Variants in DNAH5 observed in about 807,000 individuals in gnomAD.
The protein encoded by DNAH5 is axonemal beta dynein heavy chain 5.
A neutral mutation model predicts 518.2 loss-of-function variants in DNAH5; 372 were observed. That is an observed-to-expected ratio of 0.72 (90% confidence interval 0.66 to 0.78). The LOEUF is 0.78. Among genes scored for constraint, DNAH5 ranks in the 30% least tolerant of loss-of-function variants. DNAH5 has a pLI of 0.00. For missense variants in DNAH5, 5,523 were observed against 5,687.0 expected, an observed-to-expected ratio of 0.97 and a Z score of 0.93; for synonymous variants, 2,039 against 2,025.9, an observed-to-expected ratio of 1.01 and a Z score of -0.17.
At chr5:13,939,220 A>T (rs116327016) in intron 1 of DNAH5, among the ~76,000 whole-genome samples, 2,260 of 152,322 alleles carry the variant, frequency 0.015, 60 homozygotes, top group African/African-American at 0.051. Flanking sequence ...AAATAATTTT[A>T]AAATTATTTT....
chr5:13,795,741 C>T (rs1757723262), intron 47 of DNAH5, among the ~76,000 whole-genome samples: 1 of 61,078 alleles, frequency 1.6e-5, no homozygotes, highest in Non-Finnish European at 3.8e-5. Context: ...GGCAGAGTCA[C>T]AACAAAAAAA....
chr5:13,755,441 T>C (rs577007366), intron 61 of DNAH5, among the ~76,000 whole-genome samples: 37 of 152,296 alleles, frequency 2.4e-4, no homozygotes, highest in African/African-American at 8.2e-4. Context: ...TTCTAAATTA[T>C]CAGTTATGTT....
In DNAH5 at chr5:13,859,170, A is replaced by T. The variant is rs924633; in HGVS notation, c.4950+282T>A. Reference sequence around the variant, plus strand: ...CCAAATTCTACCTTGAAATTATCTAAAGAAGCATATCAATTATGCGACCAC... The same window carrying T: ...CCAAATTCTACCTTGAAATTATCTATAGAAGCATATCAATTATGCGACCAC... On this transcript the variant is annotated intron_variant, in intron 30 of 78. Transcript: ENST00000265104. 0.061 allele frequency among the ~76,000 whole-genome samples: 9,347 copies of T among 152,218 alleles called. 304 individuals carry two copies. The highest frequency in any genetic ancestry group is 0.078 in the African/African-American group (3,250 of 41,520).
chr5:13,735,715 A>G (rs1184990096), intron 67 of DNAH5, 103 bp downstream of exon 67: 4 of 970,064 alleles, frequency 4.1e-6, no homozygotes, highest in Non-Finnish European at 5.0e-6. Context: ...TTTAAAAAAG[A>G]AAAAGACTCT....
intron 1 of DNAH5, among the ~76,000 whole-genome samples, chr5:13,967,012 C>A (rs1042579083): frequency 1.3e-5 from 2 of 152,088 alleles, no homozygotes; most frequent in African/African-American, 2.4e-5. Flanking sequence ...CAGATGTGCA[C>A]CACCACACCC....
Position 13,864,573 on chromosome 5 carries a change from C to G in DNAH5, c.4420G>C (p.Asp1474His), listed in dbSNP as rs371703906. 88 of 1,614,014 alleles carry G rather than the reference C, an allele frequency of 5.5e-5. No homozygotes were observed. The highest frequency in any genetic ancestry group is 7.2e-5 in the Non-Finnish European group (85 of 1,180,020). Residue 1474 changes from aspartate to histidine, a missense_variant, in exon 28 of 79, where the codon GAT becomes CAT. By Grantham distance (81) the Asp-to-His change is moderately conservative (BLOSUM62 -1). Coordinates refer to ENST00000265104, the MANE Select transcript of DNAH5 (RefSeq NM_001369.3). ...QAFLDLKKIIDDFSECCPLLE... is the reference protein window; with the variant it reads ...QAFLDLKKIIHDFSECCPLLE... ...AGCGGGCAACACTCGCTGAAATCAT[C>G]AATGATCTTCTTCAGGTCCAAAAAA...
chr5:13,882,684 G>T, intron 21 of DNAH5, 44 bp downstream of exon 21: 1 of 1,449,598 alleles, frequency 6.9e-7, no homozygotes, highest in Non-Finnish European at 9.7e-7. Context: ...CTCAATGAAT[G>T]TTGATTTACA....
Position 13,692,006 on chromosome 5 carries a change from G to A in DNAH5, c.13853C>T (p.Ala4618Val), listed in dbSNP as rs1018054486. Residue 4618 changes from alanine (A) to valine (V), a missense_variant, in exon 79 of 79, where the codon GCC becomes GTC. By Grantham distance (64) the Ala-to-Val change is moderately conservative (BLOSUM62 0). Coordinates refer to ENST00000265104, the MANE Select transcript of DNAH5 (RefSeq NM_001369.3). ...ATGTTACTTGACATCACACAGAAGGGCAACCCCACGGAGCACCCAGTGTTC... is the reference window on the plus strand; with the variant it reads ...ATGTTACTTGACATCACACAGAAGGACAACCCCACGGAGCACCCAGTGTTC... ...TPEHWVLRGV[A>V]LLCDVK 1.9e-5 allele frequency: 30 copies of A among 1,613,960 alleles called. No individual in the cohort carries two copies. The highest frequency in any genetic ancestry group is 2.5e-5 in the Non-Finnish European group (29 of 1,179,994).
intron 47 of DNAH5, among the ~76,000 whole-genome samples, chr5:13,802,587 T>C (rs1327067061): frequency 6.6e-6 from 1 of 152,190 alleles, no homozygotes; most frequent in Non-Finnish European, 1.5e-5. Flanking sequence ...CAACTACACT[T>C]GGTTATGCAC....
At chr5:13,854,872 G>A (rs966610487) in intron 30 of DNAH5, among the ~76,000 whole-genome samples, 1 of 152,190 alleles carries the variant, frequency 6.6e-6, no homozygotes, top group Non-Finnish European at 1.5e-5. Flanking sequence ...CATAAAGCAA[G>A]TTCTTAGAGA....
intron 29 of DNAH5, 135 bp downstream of exon 29, chr5:13,862,413 A>G: frequency 1.2e-6 from 1 of 819,524 alleles, no homozygotes; most frequent in Non-Finnish European, 1.9e-6. Context: ...TTAATTAATC[A>G]ATGTAATTAA....
At chr5:13,700,619 T>G (rs1159275489) in intron 78 of DNAH5, 21 bp downstream of exon 78, 1 of 1,602,004 alleles carries the variant, frequency 6.2e-7, no homozygotes, top group East Asian at 2.2e-5. Context: ...GAGCCCTTAC[T>G]GAAGGTACAA....
rs370828335 is a variant in DNAH5 at position 13,844,869 on chromosome 5, C to G, written c.5239G>C (p.Asp1747His). The G allele has an allele frequency of 2.5e-6, 4 of 1,614,154 alleles. No individual in the cohort carries two copies. The highest frequency in any genetic ancestry group is 2.5e-6 in the Non-Finnish European group (3 of 1,180,030). ...TIQAHLLNVF[D>H]NIKSVKFHEK... is the part of the protein sequence containing the mutation. ...TGGAACTTGACAGATTTAATGTTGTCAAACACATTCAGCAAATGGGCCTGT... is the reference window on the plus strand; with the variant it reads ...TGGAACTTGACAGATTTAATGTTGTGAAACACATTCAGCAAATGGGCCTGT... The change falls in exon 32 of 79, where the codon GAC becomes CAC. Residue 1747 changes from aspartate to histidine, a missense_variant. Transcript: ENST00000265104.
chr5:13,993,470 T>TGTA (rs1783707121), intron 1 of DNAH5, among the ~76,000 whole-genome samples: 1 of 152,228 alleles, frequency 6.6e-6, no homozygotes, highest in South Asian at 2.1e-4. Context: ...AAAACTCATA[T>TGTA]ATTCTACCCC....
chr5:13,988,163 C>A (rs926644737), intron 1 of DNAH5, among the ~76,000 whole-genome samples: 2 of 152,106 alleles, frequency 1.3e-5, no homozygotes, highest in Admixed American at 6.5e-5. Flanking sequence ...TTTAAGAAAT[C>A]TGAAAATTCA....
At chr5:13,963,393 C>T (rs1781319269) in intron 1 of DNAH5, among the ~76,000 whole-genome samples, 2 of 151,990 alleles carry the variant, frequency 1.3e-5, no homozygotes, top group African/African-American at 2.4e-5. Flanking sequence ...GCCTGGCCAA[C>T]GTGGCAAAAC....
chr5:13,867,491 C>G (rs1223587794), intron 25 of DNAH5, among the ~76,000 whole-genome samples: 1 of 152,120 alleles, frequency 6.6e-6, no homozygotes, highest in Admixed American at 6.6e-5. Context: ...TTTCGTGAGG[C>G]CTCCCAAGCC....
intron 7 of DNAH5, among the ~76,000 whole-genome samples, chr5:13,918,686 T>C (rs1442836675): frequency 2.0e-5 from 3 of 152,106 alleles, no homozygotes; most frequent in Admixed American, 6.5e-5. Context: ...GCCAGGCTGG[T>C]CTCAAACTCC....
At chr5:13,720,379 G>T (rs1744882542) in intron 71 of DNAH5, among the ~76,000 whole-genome samples, 1 of 152,140 alleles carries the variant, frequency 6.6e-6, no homozygotes, top group Non-Finnish European at 1.5e-5. Context: ...CCTGACCTGA[G>T]TTTCCTTCTT....
Sources: gnomAD v4.1 joint callset for allele counts (sites outside exome capture counted in the v4.1 genomes callset) on GRCh38, gnomAD v4.1.1 for gene constraint, MANE v1.5 for transcripts, NCBI Gene and HGNC (gene_info 2026-07-23, HGNC 2026-07-21) for gene names.